The following CNTLN variants were observed in gnomAD, a reference collection of about 807,000 sequenced individuals.
CNTLN encodes the protein centlein.
Under a neutral mutation model 180.0 loss-of-function variants are expected in CNTLN, and 212 were observed. The observed-to-expected ratio is 1.18, with a 90% CI of 1.05 to 1.32. The LOEUF is 1.32. Among genes scored for constraint, CNTLN ranks in the 40% most tolerant of loss-of-function variants. The pLI is 0.00. For synonymous variants in CNTLN, 722 were observed against 563.1 expected (o/e 1.28, Z -3.99); for missense variants, 2,095 against 1,610.9 (o/e 1.30, Z -5.14).
At position 17,463,014 on chromosome 9, in the gene CNTLN, G is replaced by T; in HGVS notation, c.3404+1G>T. 6.4e-7 allele frequency: 1 copy of T among 1,557,576 alleles called. No homozygotes were observed. The highest frequency in any genetic ancestry group is 8.7e-7 in the Non-Finnish European group (1 of 1,148,780). ...AACACATAAAGGAAATGCATGAAAA[G>T]TATGGTTTTTGTATTTCTATCCATT... On this transcript the variant is annotated splice_donor_variant, in intron 20 of 25. Transcript: ENST00000380647. LOFTEE classifies it high-confidence loss of function.
chr9:17,295,033 A>G (rs1379952354), intron 6 of CNTLN, among the ~76,000 whole-genome samples: 57 of 151,544 alleles, frequency 3.8e-4, no homozygotes, highest in Non-Finnish European at 3.2e-4. Flanking sequence ...GTGGGCCAAC[A>G]CTGCTGGGGG....
chr9:17,148,323 C>T, intron 2 of CNTLN, among the ~76,000 whole-genome samples: 1 of 152,214 alleles, frequency 6.6e-6, no homozygotes. Flanking sequence ...AATTAGCTAA[C>T]ACTGAACTAT....
At chr9:17,404,737 A>ATT (rs1316130402) in intron 15 of CNTLN, among the ~76,000 whole-genome samples, 1 of 81,028 alleles carries the variant, frequency 1.2e-5, no homozygotes, top group East Asian at 3.7e-4. Flanking sequence ...TTCTGAAACA[A>ATT]ATTTTTTTTT....
chr9:17,200,815 C>T (rs185291241), intron 2 of CNTLN, among the ~76,000 whole-genome samples: 14 of 152,192 alleles, frequency 9.2e-5, no homozygotes, highest in Admixed American at 6.6e-4. Flanking sequence ...TATGTGAATA[C>T]CCTTTATTTA....
At chr9:17,461,938 C>A (rs1266907203) in intron 19 of CNTLN, among the ~76,000 whole-genome samples, 1 of 151,634 alleles carries the variant, frequency 6.6e-6, no homozygotes, top group Admixed American at 6.6e-5. Flanking sequence ...CCTCTGGTTC[C>A]TAGGCTCTAC....
At chr9:17,235,905 GC>G in intron 4 of CNTLN, 113 bp downstream of exon 4, 1 of 1,106,256 alleles carries the variant, frequency 9.0e-7, no homozygotes, top group Non-Finnish European at 1.3e-6. Context: ...ATTGCCTTAG[GC>G]CCTCCTGTAC....
At chr9:17,210,754 G>GT (rs1266581948) in intron 2 of CNTLN, among the ~76,000 whole-genome samples, 2 of 152,150 alleles carry the variant, frequency 1.3e-5, no homozygotes, top group African/African-American at 4.8e-5. Context: ...ATTCTAACTG[G>GT]TGTGAGATGG....
Position 17,236,441 on chromosome 9 carries a change from G to A in CNTLN, c.702G>A (p.Glu234=), listed in dbSNP as rs1274033221. ...DTKECVQNKE[E]QNRLVIKNLE... ...AGGAGTGTGTACAGAACAAAGAAGA[G>A]CAAAACAGACTAGTTATAAAAAATC... The change falls in exon 5 of 26, where the codon GAG becomes GAA. Residue 234 remains glutamate, a synonymous_variant. Coordinates refer to ENST00000380647, the MANE Select transcript of CNTLN (RefSeq NM_017738.4). The A allele has an allele frequency of 1.9e-6, 3 of 1,613,330 alleles. No individual in the cohort carries two copies. Among genetic ancestry groups the A allele is most frequent in the Non-Finnish European group, 2.5e-6 (3 of 1,179,572 alleles).
intron 23 of CNTLN, among the ~76,000 whole-genome samples, chr9:17,469,929 G>A (rs1051820437): frequency 3.3e-5 from 5 of 151,824 alleles, no homozygotes; most frequent in Non-Finnish European, 7.4e-5. Flanking sequence ...GAACATAAGC[G>A]AAGTGAGAAT....
chr9:17,319,658 T>A (rs1244325830), intron 8 of CNTLN, among the ~76,000 whole-genome samples: 1 of 152,176 alleles, frequency 6.6e-6, no homozygotes, highest in Admixed American at 6.5e-5. Flanking sequence ...ATTTATAAAA[T>A]GGGTATTATA....
chr9:17,295,691 A>G (rs1286102298), intron 6 of CNTLN, among the ~76,000 whole-genome samples: 1 of 151,848 alleles, frequency 6.6e-6, no homozygotes, highest in Non-Finnish European at 1.5e-5. Flanking sequence ...GGACAAATTC[A>G]GTGCTTTCCG....
At chr9:17,249,768 A>AT (rs1826029882) in intron 5 of CNTLN, among the ~76,000 whole-genome samples, 1 of 151,224 alleles carries the variant, frequency 6.6e-6, no homozygotes, top group Non-Finnish European at 1.5e-5. Flanking sequence ...CTGTTTTAAC[A>AT]TTTTTTGTCA....
chr9:17,226,558 A>G (rs1824479126), intron 3 of CNTLN, among the ~76,000 whole-genome samples: 1 of 151,904 alleles, frequency 6.6e-6, no homozygotes, highest in Non-Finnish European at 1.5e-5. Flanking sequence ...ATTTTGTTGA[A>G]TTTTGACATT....
At chr9:17,179,037 G>A (rs1820936521) in intron 2 of CNTLN, among the ~76,000 whole-genome samples, 1 of 146,368 alleles carries the variant, frequency 6.8e-6, no homozygotes, top group African/African-American at 2.7e-5. Context: ...GAGGTCAGGA[G>A]ATCGAGACCA....
intron 15 of CNTLN, among the ~76,000 whole-genome samples, chr9:17,399,838 ACACC>A (rs1202839292): frequency 6.6e-6 from 1 of 152,204 alleles, no homozygotes; most frequent in African/African-American, 2.4e-5. Context: ...AGACAGAGGA[ACACC>A]AAGATGAATC....
rs963384055 is a variant in CNTLN, at chr9:17,468,050, C to G, written c.3855+1159C>G. ...TGTAGTACATACACACCATAGGATA[C>G]TACACAGCCATAGAAAAGAATGAGA... On this transcript the variant is annotated intron_variant, in intron 23 of 25. Transcript: ENST00000380647. 4.0e-5 allele frequency among the ~76,000 whole-genome samples: 6 copies of G among 151,844 alleles called. No homozygotes were observed. In the East Asian group the frequency reaches 1.2e-3, roughly 29 times the overall value.
intron 2 of CNTLN, among the ~76,000 whole-genome samples, chr9:17,222,710 G>T (rs555753978): frequency 6.6e-6 from 1 of 152,058 alleles, no homozygotes; most frequent in Non-Finnish European, 1.5e-5. Context: ...CATTAATATT[G>T]CTAAATCCAA....
chr9:17,378,328 C>T (rs911279897), intron 13 of CNTLN, among the ~76,000 whole-genome samples: 8 of 152,046 alleles, frequency 5.3e-5, no homozygotes, highest in African/African-American at 1.9e-4. Flanking sequence ...TACAGGCATG[C>T]ACCACCATGC....
chr9:17,168,295 G>A (rs1364978763), intron 2 of CNTLN: 1 of 152,038 alleles, frequency 6.6e-6, no homozygotes, highest in Non-Finnish European at 1.5e-5. Flanking sequence ...ATCAATGTTG[G>A]GAGGAAATGG....
Sources: allele counts gnomAD v4.1 joint callset (sites outside exome capture counted in the v4.1 genomes callset), GRCh38; gene constraint gnomAD v4.1.1; transcripts MANE v1.5; gene names NCBI Gene and HGNC (gene_info 2026-07-23, HGNC 2026-07-21).